The following TNFSF4 variants were observed in gnomAD, a reference collection of about 807,000 sequenced individuals.
The protein encoded by TNFSF4 is tumor necrosis factor ligand superfamily member 4.
TNFSF4 carries 4 observed loss-of-function variants against 7.3 expected under a neutral mutation model. The ratio of observed to expected loss-of-function variants is 0.55; its 90% CI spans 0.27 to 1.25. The LOEUF is 1.25. Among genes scored for constraint, TNFSF4 ranks in the 50% most tolerant of loss-of-function variants. TNFSF4 has a pLI of 0.12. For synonymous variants in TNFSF4, 76 were observed against 83.7 expected, an observed-to-expected ratio of 0.91 and a Z score of 0.50; for missense variants, 181 against 208.8, an observed-to-expected ratio of 0.87 and a Z score of 0.82.
chr1:173,270,214 T>A, the TNFSF4 span, among the ~76,000 whole-genome samples: 1 of 152,152 alleles, frequency 6.6e-6, no homozygotes, highest in Non-Finnish European at 1.5e-5. Context: ...AATTTGGAAC[T>A]TATAAGTTTC....
At chr1:173,430,825 ACT>A in the TNFSF4 span, among the ~76,000 whole-genome samples, 1 of 152,168 alleles carries the variant, frequency 6.6e-6, no homozygotes, top group Non-Finnish European at 1.5e-5. Flanking sequence ...AACATAAGAC[ACT>A]CTTCCTCCAG....
At chr1:173,434,415 T>A in the TNFSF4 span, among the ~76,000 whole-genome samples, 1 of 152,322 alleles carries the variant, frequency 6.6e-6, no homozygotes, top group Admixed American at 6.5e-5. Context: ...AGTGAGCAAG[T>A]GAGACTGGTA....
At chr1:173,201,407 T>C (rs1649936925) in intron 1 of TNFSF4, among the ~76,000 whole-genome samples, 1 of 152,228 alleles carries the variant, frequency 6.6e-6, no homozygotes, top group African/African-American at 2.4e-5. Context: ...CTTTCTGAGA[T>C]TTGAGTTACA....
chr1:173,313,461 A>C, the TNFSF4 span, among the ~76,000 whole-genome samples: 13 of 152,186 alleles, frequency 8.5e-5, no homozygotes, highest in African/African-American at 2.9e-4. Context: ...AATACCTTTA[A>C]TTTTGCCACA....
Position 173,188,521 on chromosome 1 carries a change from C to T in TNFSF4, c.202G>A (p.Glu68Lys), listed in dbSNP as rs1232689355. ...RIQSIKVQFT[E>K]YKKEKGFILT... The stretch of plus-strand genomic sequence containing the variant: ...CAATTAAACTTTTGACAATACTTAC[C>T]GGTAAATTGTACTTTGATACTTTGA... Residue 68 changes from glutamate (E) to lysine (K), a missense_variant and splice_region_variant, in exon 2 of 3, where the codon GAA becomes AAA. Coordinates refer to ENST00000281834, the MANE Select transcript of TNFSF4 (RefSeq NM_003326.5). 11 of 1,607,438 alleles carry T rather than the reference C, an allele frequency of 6.8e-6. No homozygotes were observed. Among genetic ancestry groups the T allele is most frequent in the African/African-American group, 2.7e-5 (2 of 74,708 alleles).
the TNFSF4 span, among the ~76,000 whole-genome samples, chr1:173,315,781 AT>A: frequency 6.6e-6 from 1 of 152,134 alleles, no homozygotes; most frequent in Non-Finnish European, 1.5e-5. Context: ...AATTCCTTAA[AT>A]ATTTTGGATA....
the TNFSF4 span, among the ~76,000 whole-genome samples, chr1:173,307,924 T>A: frequency 6.6e-6 from 1 of 151,918 alleles, no homozygotes; most frequent in South Asian, 2.1e-4. Context: ...AAATTATGCA[T>A]GATTAGGCTC....
chr1:173,324,577 T>C, the TNFSF4 span, among the ~76,000 whole-genome samples: 6,745 of 152,198 alleles, frequency 0.044, 454 homozygotes, highest in African/African-American at 0.15. Flanking sequence ...GCAAATTGAA[T>C]AAAGAGTCAA....
At chr1:173,243,025 A>C in the TNFSF4 span, among the ~76,000 whole-genome samples, 1 of 144,318 alleles carries the variant, frequency 6.9e-6, no homozygotes, top group African/African-American at 2.5e-5. Flanking sequence ...GGGGAGCACA[A>C]AAATAAACCA....
the TNFSF4 span, among the ~76,000 whole-genome samples, chr1:173,345,138 T>C: frequency 6.6e-6 from 1 of 152,196 alleles, no homozygotes; most frequent in South Asian, 2.1e-4. Flanking sequence ...CCCTTTGTAA[T>C]AAAAGAACAG....
the TNFSF4 span, among the ~76,000 whole-genome samples, chr1:173,369,913 AC>A: frequency 2.0e-5 from 3 of 151,882 alleles, no homozygotes; most frequent in Non-Finnish European, 4.4e-5. Context: ...CTCTCAGCTT[AC>A]CCCCATTTCC....
the TNFSF4 span, among the ~76,000 whole-genome samples, chr1:173,276,685 A>G: frequency 6.6e-6 from 1 of 152,154 alleles, no homozygotes; most frequent in South Asian, 2.1e-4. Flanking sequence ...TTTGCAAGAA[A>G]TTTGACTAAG....
At chr1:173,275,395 C>T in the TNFSF4 span, among the ~76,000 whole-genome samples, 1 of 152,118 alleles carries the variant, frequency 6.6e-6, no homozygotes, top group Non-Finnish European at 1.5e-5. Context: ...GAGATACCAT[C>T]TCTAGCTCCC....
At chr1:173,430,863 G>C in the TNFSF4 span, among the ~76,000 whole-genome samples, 1 of 152,208 alleles carries the variant, frequency 6.6e-6, no homozygotes, top group African/African-American at 2.4e-5. Context: ...CAAACCCTTT[G>C]CATTCTAATT....
chr1:173,186,424 G>C lies in TNFSF4; in HGVS notation c.*92C>G, dbSNP rs573129159. On this transcript the variant is annotated 3_prime_UTR_variant, in exon 3 of 3. Coordinates refer to ENST00000281834, the MANE Select transcript of TNFSF4 (RefSeq NM_003326.5). ...ACATCCCACGTGGCTGAGCTGGGAG[G>C]CTCCTTCACTTGCAATGAAGAATCC... 1 of 1,057,372 alleles carries C rather than the reference G, an allele frequency of 9.5e-7. No individual in the cohort carries two copies. Among genetic ancestry groups the C allele is most frequent in the Non-Finnish European group, 1.4e-6 (1 of 730,828 alleles). The allele number at this position is 1,057,372 out of a possible 1,614,324, so 65.5% of individuals were successfully genotyped here.
the TNFSF4 span, among the ~76,000 whole-genome samples, chr1:173,417,387 C>T: frequency 6.6e-6 from 1 of 152,198 alleles, no homozygotes; most frequent in East Asian, 1.9e-4. Context: ...CTTCAATAAA[C>T]AAGAACTCTT....
the TNFSF4 span, among the ~76,000 whole-genome samples, chr1:173,398,456 G>A: frequency 5.6e-5 from 7 of 124,398 alleles, no homozygotes; most frequent in Non-Finnish European, 9.4e-5. Flanking sequence ...ACAGAGTCTC[G>A]CTCTGTCACC....
intron 1 of TNFSF4, among the ~76,000 whole-genome samples, chr1:173,196,576 C>A (rs1445576502): frequency 1.3e-5 from 2 of 152,138 alleles, no homozygotes; most frequent in Non-Finnish European, 2.9e-5. Context: ...AAGCCTCTCT[C>A]CTCTCTGTTT....
chr1:173,315,398 G>A, the TNFSF4 span, among the ~76,000 whole-genome samples: 3 of 152,002 alleles, frequency 2.0e-5, no homozygotes, highest in African/African-American at 7.2e-5. Context: ...ATCTTTAAGG[G>A]TAAAGTCTAG....
Sources: gnomAD v4.1 joint callset for allele counts (sites outside exome capture counted in the v4.1 genomes callset) on GRCh38, gnomAD v4.1.1 for gene constraint, MANE v1.5 for transcripts, NCBI Gene and HGNC (gene_info 2026-07-23, HGNC 2026-07-21) for gene names.